Variants in RSPH10B observed in about 807,000 individuals in gnomAD.
The protein encoded by RSPH10B is radial spoke head 10 homolog B, also known as radial spoke head 10 homolog B (Chlamydomonas).
A neutral mutation model predicts 52.5 loss-of-function variants in RSPH10B; 7 were observed. The observed-to-expected ratio is 0.13, with a 90% CI of 0.08 to 0.25. The LOEUF (loss-of-function observed/expected upper bound fraction) is 0.25. Among genes scored for constraint, RSPH10B ranks in the 10% least tolerant of loss-of-function variants. The pLI, the probability that RSPH10B is intolerant of heterozygous loss-of-function variation, is 1.00. For missense variants in RSPH10B, 89 were observed against 542.5 expected (o/e 0.16, Z 8.30); for synonymous variants, 28 against 193.2 (o/e 0.14, Z 7.09).
Position 5,927,056 on chromosome 7 carries a change from G to A in RSPH10B, c.2433-508C>T, listed in dbSNP as rs1214531272. On this transcript the variant is annotated intron_variant, in intron 18 of 18. Transcript: ENST00000337579. ...GTGTGTGTGTGTGTGTATTATGTGT[G>A]TGTGTGTGTGTATATGTGTGTGTGT... is the stretch of plus-strand genomic sequence containing the variant. Among the ~76,000 whole-genome samples the A allele has an allele frequency of 5.0e-3, 391 of 78,040 alleles. 2 individuals are homozygous for A. Among genetic ancestry groups the A allele is most frequent in the African/African-American group, 0.019 (309 of 16,018 alleles). The allele number at this position is 78,040 out of a possible 152,430, so 51.2% of individuals were successfully genotyped here.
At chr7:5,937,297 A>C (rs1277188829) in intron 15 of RSPH10B, among the ~76,000 whole-genome samples, 3 of 142,406 alleles carry the variant, frequency 2.1e-5, no homozygotes, top group Non-Finnish European at 4.8e-5. Flanking sequence ...AAATGGAAAG[A>C]CTTCTTAAAT....
intron 17 of RSPH10B, among the ~76,000 whole-genome samples, chr7:5,931,952 G>A (rs1187136867): frequency 6.6e-6 from 1 of 151,278 alleles, no homozygotes; most frequent in African/African-American, 2.4e-5. Context: ...TGGCACCACT[G>A]CACTCCAGCC....
At chr7:5,931,564 A>G (rs1779771648) in intron 17 of RSPH10B, among the ~76,000 whole-genome samples, 1 of 151,270 alleles carries the variant, frequency 6.6e-6, no homozygotes, top group Admixed American at 6.7e-5. Flanking sequence ...CATCTCTTTA[A>G]CAAACAAAGA....
intron 13 of RSPH10B, among the ~76,000 whole-genome samples, chr7:5,941,938 AC>A (rs1242854180): frequency 6.7e-6 from 1 of 148,830 alleles, no homozygotes; most frequent in African/African-American, 2.5e-5. Flanking sequence ...TGTTGCCTAG[AC>A]TGGAGTGCAG....
intron 6 of RSPH10B, among the ~76,000 whole-genome samples, chr7:5,957,653 CG>C (rs564416826): frequency 2.6e-3 from 129 of 48,952 alleles, no homozygotes; most frequent in African/African-American, 0.013. Flanking sequence ...TTAGCCCGGC[CG>C]TGGTGGTGGT....
chr7:5,944,863 T>C (rs35314827), intron 11 of RSPH10B, among the ~76,000 whole-genome samples: 14,969 of 134,610 alleles, frequency 0.11, 1,735 homozygotes, highest in East Asian at 0.56. Flanking sequence ...CCCAGGAGCC[T>C]GAGGCAGAAG....
At chr7:5,930,939 C>CTT (rs1195006724) in intron 17 of RSPH10B, among the ~76,000 whole-genome samples, 32 of 60,344 alleles carry the variant, frequency 5.3e-4, no homozygotes, top group African/African-American at 1.9e-3. Context: ...TCCTTTTTTC[C>CTT]TTTTTTTTTT....
At chr7:5,933,015 C>CTTTTT (rs71223185) in intron 16 of RSPH10B, 140 bp from the exon 19 acceptor site, 24 of 27,342 alleles carry the variant, frequency 8.8e-4, no homozygotes, top group East Asian at 1.3e-3. Flanking sequence ...TTTAATTTGA[C>CTTTTT]TTTTTTTTTT....
chr7:5,940,141 G>A (rs1193875727), intron 13 of RSPH10B, among the ~76,000 whole-genome samples: 1 of 116,120 alleles, frequency 8.6e-6, no homozygotes, highest in Admixed American at 9.3e-5. Flanking sequence ...AGGTTGCAGT[G>A]AGGTGAGATC....
chr7:5,928,627 CTTTT>C (rs1306935521), intron 17 of RSPH10B, among the ~76,000 whole-genome samples: 31 of 135,180 alleles, frequency 2.3e-4, no homozygotes, highest in South Asian at 7.1e-4. Context: ...CTCGTTTTTT[CTTTT>C]TTGTTTTTTT....
intron 2 of RSPH10B, among the ~76,000 whole-genome samples, chr7:5,965,238 C>CA (rs1196148540): frequency 0.083 from 22 of 264 alleles, no homozygotes; most frequent in South Asian, 0.15. Flanking sequence ...TTGTCTCTAC[C>CA]AAAAAAAAAA....
intron 11 of RSPH10B, among the ~76,000 whole-genome samples, chr7:5,944,353 G>A (rs1206243544): frequency 6.6e-5 from 10 of 150,622 alleles, no homozygotes; most frequent in South Asian, 2.1e-4. Flanking sequence ...AGCCGAGATC[G>A]CGCCACTGCA....
chr7:5,957,606 T>C (rs1780769103), intron 6 of RSPH10B, among the ~76,000 whole-genome samples: 2 of 50,146 alleles, frequency 4.0e-5, no homozygotes, highest in Admixed American at 3.9e-4. Context: ...GCCAACATGG[T>C]GAAACCCCGT....
rs1004765511 is a variant in RSPH10B at position 5,947,843 on chromosome 7, T to A, written c.1414+377A>T. Among the ~76,000 whole-genome samples, 9 of 78,106 alleles carry A rather than the reference T, an allele frequency of 1.2e-4. No individual in the cohort carries two copies. The South Asian group carries it at 2.5e-3, about 22-fold the overall frequency. 51.2% of individuals were successfully genotyped at this position (78,106 alleles called of 152,430 possible). On this transcript the variant is annotated intron_variant, in intron 10 of 18. Transcript: ENST00000337579. ...CCAGTACTGCTCCCTGGCCTGGGGG[T>A]TGGGGACCCCTGCCTTTTGTGTGTG...
chr7:5,927,078 G>GTATATATATATATA (rs1424714633), intron 18 of RSPH10B, among the ~76,000 whole-genome samples: 1 of 129,788 alleles, frequency 7.7e-6, no homozygotes, highest in African/African-American at 3.0e-5. Context: ...ATATGTGTGT[G>GTATATATATATATA]TGTGTGTGTG....
At chr7:5,931,636 C>A (rs1461547225) in intron 17 of RSPH10B, among the ~76,000 whole-genome samples, 4 of 150,778 alleles carry the variant, frequency 2.7e-5, no homozygotes, top group African/African-American at 9.7e-5. Context: ...CGTTCAGATC[C>A]AGGAGTTCTT....
At chr7:5,950,241 G>C (rs1408395398) in intron 9 of RSPH10B, among the ~76,000 whole-genome samples, 5 of 151,092 alleles carry the variant, frequency 3.3e-5, no homozygotes, top group Non-Finnish European at 5.9e-5. Flanking sequence ...CAAAACACAT[G>C]CAACTCACAC....
At chr7:5,965,563 G>A in intron 2 of RSPH10B, 74 bp downstream of exon 4, 1 of 39,914 alleles carries the variant, frequency 2.5e-5, no homozygotes, top group South Asian at 6.3e-4. Context: ...GGATTTTACT[G>A]AAGATTTACA....
chr7:5,956,741 A>G (rs1780741772), intron 6 of RSPH10B, among the ~76,000 whole-genome samples: 1 of 141,676 alleles, frequency 7.1e-6, no homozygotes, highest in South Asian at 2.2e-4. Flanking sequence ...GCTAATTTTT[A>G]TATTTTTAGT....
Sources: allele counts gnomAD v4.1 joint callset (sites outside exome capture counted in the v4.1 genomes callset), GRCh38; gene constraint gnomAD v4.1.1; transcripts MANE v1.5; gene names NCBI Gene and HGNC (gene_info 2026-07-23, HGNC 2026-07-21).